The following SEL1L3 variants were observed in gnomAD, a reference collection of about 807,000 sequenced individuals.
SEL1L3 encodes SEL1L family member 3.
A neutral mutation model predicts 142.8 loss-of-function variants in SEL1L3; 76 were observed. That is an observed-to-expected ratio of 0.53 (90% CI 0.44 to 0.64). SEL1L3 has a LOEUF of 0.64. Ranked by LOEUF, SEL1L3 falls within the 30% of genes least tolerant of loss-of-function variation. The pLI is 0.00. For synonymous variants in SEL1L3, 504 were observed against 519.6 expected (o/e 0.97, Z 0.41); for missense variants, 1,262 against 1,381.7 (o/e 0.91, Z 1.37).
At chr4:25,772,259 A>G (rs1719278039) in intron 17 of SEL1L3, among the ~76,000 whole-genome samples, 1 of 152,242 alleles carries the variant, frequency 6.6e-6, no homozygotes, top group East Asian at 1.9e-4. Context: ...TAATAGATAC[A>G]AAACGTTTCT....
At chr4:25,769,937 G>T (rs1318789027) in intron 17 of SEL1L3, among the ~76,000 whole-genome samples, 1 of 152,112 alleles carries the variant, frequency 6.6e-6, no homozygotes, top group Non-Finnish European at 1.5e-5. Context: ...AGACCAGCCT[G>T]GGCAACAGTA....
At position 25,776,333 on chromosome 4, in the gene SEL1L3, A is replaced by G; in HGVS notation, c.2613T>C (p.Asn871=). The G allele has an allele frequency of 1.9e-6, 3 of 1,612,592 alleles. No individual in the cohort carries two copies. The highest frequency in any genetic ancestry group is 2.2e-5 in the East Asian group (1 of 44,838). ...VVWAKHVAEK[N]GYLGHVIRKG... is the part of the protein sequence containing the mutation. ...TGCGGATGACATGGCCCAAGTAGCCATTTTTCTCAGCTACATGTTTTGCCC... is the reference window on the plus strand; with the variant it reads ...TGCGGATGACATGGCCCAAGTAGCCGTTTTTCTCAGCTACATGTTTTGCCC... The change falls in exon 17 of 24, where the codon AAT becomes AAC. Residue 871 remains asparagine, a synonymous_variant. Transcript: ENST00000399878.
intron 9 of SEL1L3, among the ~76,000 whole-genome samples, chr4:25,809,847 A>T (rs899044265): frequency 2.0e-5 from 3 of 152,242 alleles, no homozygotes; most frequent in Non-Finnish European, 2.9e-5. Context: ...TCCCGATGTT[A>T]TTATGTAACA....
At chr4:25,750,678 ATC>A (rs1395307825) in intron 23 of SEL1L3, among the ~76,000 whole-genome samples, 1 of 152,166 alleles carries the variant, frequency 6.6e-6, no homozygotes, top group Non-Finnish European at 1.5e-5. Context: ...TCCTCATGAA[ATC>A]TCTCTGACTA....
chr4:25,730,723 A>G, the SEL1L3 span, among the ~76,000 whole-genome samples: 4 of 151,992 alleles, frequency 2.6e-5, no homozygotes, highest in African/African-American at 9.7e-5. Flanking sequence ...TCCGGCTTTC[A>G]TGGGTGTTAA....
At chr4:25,811,799 C>G (rs535335751) in intron 9 of SEL1L3, among the ~76,000 whole-genome samples, 1 of 142,770 alleles carries the variant, frequency 7.0e-6, no homozygotes, top group South Asian at 2.2e-4. Flanking sequence ...ATCCTCATGG[C>G]TGTGAGGTAT....
chr4:25,807,788 T>G (rs1480951513), intron 9 of SEL1L3, among the ~76,000 whole-genome samples: 1 of 152,076 alleles, frequency 6.6e-6, no homozygotes, highest in Non-Finnish European at 1.5e-5. Context: ...CTGAGATTGC[T>G]GGAGAAGAAG....
chr4:25,840,346 A>T (rs555044738), intron 2 of SEL1L3, among the ~76,000 whole-genome samples: 1 of 152,212 alleles, frequency 6.6e-6, no homozygotes, highest in African/African-American at 2.4e-5. Context: ...ATAACTACTA[A>T]AAGTACTATC....
intron 6 of SEL1L3, among the ~76,000 whole-genome samples, chr4:25,829,633 A>G (rs988964380): frequency 6.6e-6 from 1 of 152,230 alleles, no homozygotes; most frequent in Non-Finnish European, 1.5e-5. Context: ...TGGTTATATA[A>G]AGATGAAAAG....
chr4:25,787,346 AG>A (rs1711920416), intron 13 of SEL1L3, among the ~76,000 whole-genome samples: 1 of 152,020 alleles, frequency 6.6e-6, no homozygotes, highest in Non-Finnish European at 1.5e-5. Context: ...TCTGAGATGG[AG>A]TGTGGCTCTC....
chr4:25,854,941 G>A lies in SEL1L3; in HGVS notation c.163-7077C>T, dbSNP rs559135958. On this transcript the variant is annotated intron_variant, in intron 1 of 23. Transcript: ENST00000399878. The stretch of plus-strand genomic sequence containing the variant: ...TCGGGGTGGGGCAATGTTTCCTTAA[G>A]TTAATGAGGGTGTGTTGGCCCCAAA... 2.6e-5 allele frequency among the ~76,000 whole-genome samples: 4 copies of A among 152,360 alleles called. No homozygotes were observed. In the South Asian group the frequency reaches 8.3e-4, roughly 32 times the overall value.
At chr4:25,798,711 C>T (rs1712964335) in intron 11 of SEL1L3, among the ~76,000 whole-genome samples, 1 of 152,118 alleles carries the variant, frequency 6.6e-6, no homozygotes. Context: ...GCCTGTAGTC[C>T]CAGCTACTCG....
intron 7 of SEL1L3, among the ~76,000 whole-genome samples, chr4:25,821,051 T>C (rs1051955405): frequency 6.6e-5 from 10 of 152,232 alleles, no homozygotes; most frequent in African/African-American, 2.4e-4. Flanking sequence ...TTTCTTATTG[T>C]GGACAACCTT....
intron 9 of SEL1L3, among the ~76,000 whole-genome samples, chr4:25,814,856 T>A (rs1163240177): frequency 6.6e-6 from 1 of 151,962 alleles, no homozygotes; most frequent in Non-Finnish European, 1.5e-5. Flanking sequence ...CCAGTCTTTC[T>A]CCCAGGGTTG....
At chr4:25,828,532 G>A (rs760659614) in intron 6 of SEL1L3, among the ~76,000 whole-genome samples, 3 of 151,348 alleles carry the variant, frequency 2.0e-5, no homozygotes, top group African/African-American at 7.3e-5. Context: ...TTACAGGTGC[G>A]CACCACCATG....
chr4:25,858,241 G>C (rs760470212), intron 1 of SEL1L3, among the ~76,000 whole-genome samples: 3 of 152,200 alleles, frequency 2.0e-5, no homozygotes, highest in Non-Finnish European at 4.4e-5. Context: ...CCAACACCAT[G>C]GCTTGGGAAA....
At chr4:25,745,024 T>G (rs1219644834), downstream of SEL1L3, among the ~76,000 whole-genome samples, 1 of 151,414 alleles carries the variant, frequency 6.6e-6, no homozygotes, top group Non-Finnish European at 1.5e-5. Flanking sequence ...TTTGTTTGTT[T>G]GTTTGTTTTT....
chr4:25,733,117 T>C, the SEL1L3 span, among the ~76,000 whole-genome samples: 1 of 152,090 alleles, frequency 6.6e-6, no homozygotes, highest in Non-Finnish European at 1.5e-5. Context: ...TGTATTTCCA[T>C]ATAAATTTTA....
chr4:25,714,482 TTCTTTC>T, the SEL1L3 span, among the ~76,000 whole-genome samples: 1 of 122,576 alleles, frequency 8.2e-6, no homozygotes, highest in African/African-American at 4.0e-5. Context: ...ATTGCTTTCT[TTCTTTC>T]TCTTTCTTTC....
Sources: allele counts gnomAD v4.1 joint callset (sites outside exome capture counted in the v4.1 genomes callset), GRCh38; gene constraint gnomAD v4.1.1; transcripts MANE v1.5; gene names NCBI Gene and HGNC (gene_info 2026-07-23, HGNC 2026-07-21).